Variants in STK4 observed in about 807,000 individuals in gnomAD.
The protein encoded by STK4 is serine/threonine-protein kinase 4.
Under a neutral mutation model 64.9 loss-of-function variants are expected in STK4, and 30 were observed. The observed-to-expected ratio is 0.46, with a 90% confidence interval of 0.35 to 0.63. The LOEUF (loss-of-function observed/expected upper bound fraction) is 0.63, where lower values mean the gene tolerates loss of function less well. Ranked by LOEUF, STK4 falls within the 20% of genes least tolerant of loss-of-function variation. STK4 has a pLI of 0.01. For synonymous variants in STK4, 177 were observed against 199.0 expected (o/e 0.89, Z 0.93); for missense variants, 466 against 598.5 (o/e 0.78, Z 2.31).
intron 10 of STK4, among the ~76,000 whole-genome samples, chr20:45,067,286 A>C (rs902870163): frequency 8.6e-4 from 131 of 152,152 alleles, no homozygotes; most frequent in African/African-American, 3.1e-3. Flanking sequence ...ATCACCTGAG[A>C]CGGGATCAGT....
intron 10 of STK4, among the ~76,000 whole-genome samples, chr20:45,073,400 T>C (rs1327383024): frequency 6.6e-6 from 1 of 152,118 alleles, no homozygotes; most frequent in African/African-American, 2.4e-5. Context: ...CAAGGAAAAT[T>C]CCTGTGGTGA....
chr20:45,078,102 G>A lies in STK4; in HGVS notation c.*2926G>A, dbSNP rs1181918277. 2 of 151,824 alleles carry A rather than the reference G, an allele frequency of 1.3e-5. No homozygotes were observed. The highest frequency in any genetic ancestry group is 2.9e-5 in the Non-Finnish European group (2 of 67,980). 9.4% of individuals were successfully genotyped at this position (151,824 alleles called of 1,614,324 possible). On this transcript the variant is annotated 3_prime_UTR_variant, in exon 11 of 11. Coordinates refer to ENST00000372806, the MANE Select transcript of STK4 (RefSeq NM_006282.5). Reference sequence around the variant, plus strand: ...GTTATTGCTTGAGCATTTGGAACTCGAGCTTCCAGAGAAATTTGAGGTCCT... The same window carrying A: ...GTTATTGCTTGAGCATTTGGAACTCAAGCTTCCAGAGAAATTTGAGGTCCT...
intron 10 of STK4, among the ~76,000 whole-genome samples, chr20:45,055,060 C>G (rs1978352421): frequency 6.6e-6 from 1 of 152,064 alleles, no homozygotes; most frequent in Admixed American, 6.5e-5. Context: ...CACAATTTCT[C>G]TGGCCCCTGG....
chr20:44,967,417 C>T (rs990733218), intron 1 of STK4: 1 of 171,694 alleles, frequency 5.8e-6, no homozygotes, highest in African/African-American at 2.4e-5. Flanking sequence ...AATATCAGCA[C>T]CAAATCCTAG....
intron 10 of STK4, among the ~76,000 whole-genome samples, chr20:45,072,433 A>AT (rs755282839): frequency 5.9e-5 from 9 of 152,240 alleles, no homozygotes; most frequent in Non-Finnish European, 8.8e-5. Context: ...CTTTCACACT[A>AT]TTTTTTATTT....
In STK4 at chr20:45,007,151, A is replaced by G. The variant is rs139504174; in HGVS notation, c.1147+5798A>G. ...ATTCCGTTATCTTAACTGTCTACAGAGATGATGTTTCTCCACTTTCTCTAT... is the reference window on the plus strand; with the variant it reads ...ATTCCGTTATCTTAACTGTCTACAGGGATGATGTTTCTCCACTTTCTCTAT... On this transcript the variant is annotated intron_variant, in intron 9 of 10. Transcript: ENST00000372806. Among the ~76,000 whole-genome samples the G allele has an allele frequency of 4.1e-4, 63 of 152,262 alleles. No homozygotes were observed. The East Asian group carries it at 0.012, about 28-fold the overall frequency.
At chr20:45,053,211 A>G in intron 10 of STK4, 2 of 1,565,840 alleles carry the variant, frequency 1.3e-6, no homozygotes, top group South Asian at 2.2e-5. Flanking sequence ...TCTCAGAACC[A>G]CAGTAGCCTG....
intron 9 of STK4, among the ~76,000 whole-genome samples, chr20:45,018,381 A>G (rs888088640): frequency 9.2e-5 from 14 of 152,216 alleles, no homozygotes; most frequent in Non-Finnish European, 1.9e-4. Flanking sequence ...TTACTTAGTG[A>G]CAGTCTGGAA....
intron 9 of STK4, among the ~76,000 whole-genome samples, chr20:45,024,687 A>G (rs2068312229): frequency 6.6e-6 from 1 of 152,212 alleles, no homozygotes; most frequent in African/African-American, 2.4e-5. Context: ...GCAGATTATC[A>G]GAATCATTGC....
intron 10 of STK4, among the ~76,000 whole-genome samples, chr20:45,067,543 T>C (rs191523742): frequency 6.6e-6 from 1 of 152,314 alleles, no homozygotes; most frequent in East Asian, 1.9e-4. Context: ...GACCCATTTG[T>C]GTTCCCTATG....
At chr20:45,072,966 C>T (rs1167869356) in intron 10 of STK4, among the ~76,000 whole-genome samples, 1 of 152,176 alleles carries the variant, frequency 6.6e-6, no homozygotes, top group Non-Finnish European at 1.5e-5. Context: ...AGTCTTAGTA[C>T]CGCCCCAGGG....
At chr20:45,071,695 CA>C (rs1323857988) in intron 10 of STK4, among the ~76,000 whole-genome samples, 1 of 152,212 alleles carries the variant, frequency 6.6e-6, no homozygotes, top group Non-Finnish European at 1.5e-5. Flanking sequence ...AAGGAAGATA[CA>C]GAATCATGTT....
In STK4 at chr20:45,079,229, A is replaced by T. The variant is rs998692598; in HGVS notation, c.*4053A>T. ...AGACCCCGTCTCAAAAAAAAAGAAG[A>T]AGTAGATAATCTGAATAGCCCTATA... On this transcript the variant is annotated 3_prime_UTR_variant, in exon 11 of 11. Transcript: ENST00000372806. 2 of 152,246 alleles carry T rather than the reference A, an allele frequency of 1.3e-5. No individual in the cohort carries two copies. Among genetic ancestry groups the T allele is most frequent in the Admixed American group, 6.5e-5 (1 of 15,296 alleles). 9.4% of individuals were successfully genotyped at this position (152,246 alleles called of 1,614,324 possible). A position where few individuals can be genotyped will look rare whatever the true frequency, so the allele number is the denominator to read the frequency against.
rs1197721395 is a variant in STK4 at position 45,079,513 on chromosome 20, C to T, written c.*4337C>T. 6.6e-6 allele frequency: 1 copy of T among 152,470 alleles called. No individual in the cohort carries two copies. Among genetic ancestry groups the T allele is most frequent in the East Asian group, 1.9e-4 (1 of 5,202 alleles). The allele number at this position is 152,470 out of a possible 1,614,324, so 9.4% of individuals were successfully genotyped here. On this transcript the variant is annotated 3_prime_UTR_variant, in exon 11 of 11. Transcript: ENST00000372806. ...AATCTACATCTCCACCTCACCCCATCTTTTCTTAAGCACTATGTTTGTGTT... is the reference window on the plus strand; with the variant it reads ...AATCTACATCTCCACCTCACCCCATTTTTTCTTAAGCACTATGTTTGTGTT...
chr20:45,001,337 G>A lies in STK4; in HGVS notation c.1131G>A (p.Glu377=), dbSNP rs1410813941. 1 of 1,609,662 alleles carries A rather than the reference G, an allele frequency of 6.2e-7. No individual in the cohort carries two copies. Among genetic ancestry groups the A allele is most frequent in the Non-Finnish European group, 8.5e-7 (1 of 1,176,420 alleles). Residue 377 remains glutamate, a synonymous_variant, in exon 9 of 11, where the codon GAG becomes GAA. Transcript: ENST00000372806. The part of the protein sequence containing the change: ...TMVINAEDEE[E]EGTMKRRDET... ...TGATCAATGCAGAGGATGAGGAAGAGGAAGGAACTATGAAAAGTAAGGCTC... is the reference window on the plus strand; with the variant it reads ...TGATCAATGCAGAGGATGAGGAAGAAGAAGGAACTATGAAAAGTAAGGCTC...
intron 10 of STK4, among the ~76,000 whole-genome samples, chr20:45,030,561 G>A (rs577633164): frequency 1.4e-4 from 21 of 152,136 alleles, no homozygotes; most frequent in Non-Finnish European, 2.2e-4. Context: ...AGGAGTAGCC[G>A]AATTTTGTAC....
chr20:45,054,470 G>A (rs1286094533), intron 10 of STK4, among the ~76,000 whole-genome samples: 1 of 151,388 alleles, frequency 6.6e-6, no homozygotes, highest in African/African-American at 2.4e-5. Flanking sequence ...GGCTGAGGCA[G>A]GAGGATCACT....
chr20:45,058,081 A>G (rs1194082165), intron 10 of STK4, among the ~76,000 whole-genome samples: 2 of 148,944 alleles, frequency 1.3e-5, no homozygotes, highest in African/African-American at 5.1e-5. Flanking sequence ...ACACACACAC[A>G]CACACACCCC....
chr20:45,011,732 T>A (rs369954997), intron 9 of STK4, among the ~76,000 whole-genome samples: 9,980 of 95,082 alleles, frequency 0.1, 610 homozygotes, highest in South Asian at 0.15. Context: ...TATATATATT[T>A]TTTTTTTTTT....
Sources: gnomAD v4.1 joint callset for allele counts (sites outside exome capture counted in the v4.1 genomes callset) on GRCh38, gnomAD v4.1.1 for gene constraint, MANE v1.5 for transcripts, NCBI Gene and HGNC (gene_info 2026-07-23, HGNC 2026-07-21) for gene names.